Variants in GAREM1 observed in about 807,000 individuals in gnomAD.
GAREM1 encodes GRB2 associated regulator of MAPK1 subtype 1, also known as GRB2-associated and regulator of MAPK protein 1.
A neutral mutation model predicts 71.3 loss-of-function variants in GAREM1; 26 were observed. The ratio of observed to expected loss-of-function variants is 0.36; its 90% CI spans 0.27 to 0.51. The LOEUF (loss-of-function observed/expected upper bound fraction) is 0.51. GAREM1 is among the 20% of genes least tolerant of loss of function. The probability of loss-of-function intolerance (pLI) is 0.95; values close to 1 mark genes in which losing one functional copy is unlikely to be tolerated. For missense variants in GAREM1, 1,026 were observed against 1,103.1 expected (o/e 0.93, Z 0.99); for synonymous variants, 440 against 433.2 (o/e 1.02, Z -0.20).
At chr18:32,364,015 TA>T (rs1567980687) in intron 2 of GAREM1, among the ~76,000 whole-genome samples, 21 of 64,522 alleles carry the variant, frequency 3.3e-4, no homozygotes, top group African/African-American at 1.5e-3. Flanking sequence ...TATATATATA[TA>T]TATATATATA....
chr18:32,338,396 C>T (rs2047617693), intron 2 of GAREM1, among the ~76,000 whole-genome samples: 1 of 152,152 alleles, frequency 6.6e-6, no homozygotes, highest in South Asian at 2.1e-4. Context: ...TTCAAACTAG[C>T]CACTTAATGG....
chr18:32,309,615 C>CAAAAAAAAAAAA lies in GAREM1; in HGVS notation c.393+566_393+577dup, dbSNP rs11370938. Reference sequence around the variant, plus strand: ...TGGGTGACAGAGCAAGACTCAGTCTCAAAAAAAAAAAAAAAAAAAAAAAAA... The same window carrying CAAAAAAAAAAAA: ...TGGGTGACAGAGCAAGACTCAGTCTCAAAAAAAAAAAAAAAAAAAAAAAAAAAAAAAAAAAAA... On this transcript the variant is annotated intron_variant, in intron 3 of 5. Transcript: ENST00000269209. Among the ~76,000 whole-genome samples the CAAAAAAAAAAAA allele has an allele frequency of 3.6e-4, 5 of 13,860 alleles. 1 individual carries two copies. Among genetic ancestry groups the CAAAAAAAAAAAA allele is most frequent in the African/African-American group, 1.5e-3 (5 of 3,322 alleles). The allele number at this position is 13,860 out of a possible 152,430, so 9.1% of individuals were successfully genotyped here. A position where few individuals can be genotyped will look rare whatever the true frequency, so the allele number is the denominator to read the frequency against.
intron 1 of GAREM1, among the ~76,000 whole-genome samples, chr18:32,424,139 C>A (rs555560243): frequency 6.6e-6 from 1 of 151,262 alleles, no homozygotes; most frequent in South Asian, 2.1e-4. Flanking sequence ...CCCATCTCCC[C>A]ACCAGCCAGA....
chr18:32,441,527 T>C (rs894812628), intron 1 of GAREM1, among the ~76,000 whole-genome samples: 3 of 152,186 alleles, frequency 2.0e-5, no homozygotes, highest in Admixed American at 2.0e-4. Context: ...CAACATACTA[T>C]ATTCAAGTGC....
Position 32,377,098 on chromosome 18 carries a change from C to T in GAREM1, c.262+15797G>A, listed in dbSNP as rs543065878. Among the ~76,000 whole-genome samples, 68 of 152,278 alleles carry T rather than the reference C, an allele frequency of 4.5e-4. 1 individual carries two copies. The highest frequency in any genetic ancestry group is 1.4e-3 in the African/African-American group (57 of 41,554). On this transcript the variant is annotated intron_variant, in intron 2 of 5. Transcript: ENST00000269209. ...GTTAGGCAACATATATAAGACCACA[C>T]GGCCACTAAGGAGTTGACCAGGACA...
At position 32,349,820 on chromosome 18, in the gene GAREM1, A is replaced by C. The variant is rs138870717; in HGVS notation, c.263-39497T>G. ...CTGATTCTGAAAAGGTAGCACATGA[A>C]GGGCAAGTACTGAAAACAAGGCATG... is the stretch of plus-strand genomic sequence containing the variant. On this transcript the variant is annotated intron_variant, in intron 2 of 5. Coordinates refer to ENST00000269209, the MANE Select transcript of GAREM1 (RefSeq NM_001242409.2). Among the ~76,000 whole-genome samples the C allele has an allele frequency of 2.6e-5, 4 of 152,346 alleles. No homozygotes were observed. In the East Asian group the frequency reaches 7.7e-4, roughly 29 times the overall value.
At chr18:32,289,373 T>C (rs540163431) in intron 3 of GAREM1, among the ~76,000 whole-genome samples, 9 of 152,366 alleles carry the variant, frequency 5.9e-5, no homozygotes, top group Admixed American at 5.2e-4. Flanking sequence ...TATTTCATGC[T>C]TACCAGCATG....
chr18:32,408,113 T>C (rs1007681647), intron 1 of GAREM1, among the ~76,000 whole-genome samples: 2 of 152,112 alleles, frequency 1.3e-5, no homozygotes, highest in Non-Finnish European at 2.9e-5. Flanking sequence ...AATAATTCCA[T>C]TGGGTTTACA....
rs752262774 is a variant in GAREM1, at chr18:32,267,654, G to A, written c.*217C>T. The A allele has an allele frequency of 1.3e-4, 62 of 478,284 alleles. 1 individual carries two copies. The highest frequency in any genetic ancestry group is 6.4e-4 in the African/African-American group (33 of 51,414). 29.6% of individuals were successfully genotyped at this position (478,284 alleles called of 1,614,324 possible). A position where few individuals can be genotyped will look rare whatever the true frequency, so the allele number is the denominator to read the frequency against. On this transcript the variant is annotated 3_prime_UTR_variant, in exon 6 of 6. Transcript: ENST00000269209. ...AGCTGCTGAGTGTTTGTTGAGTGAC[G>A]TACAAGGCACACCTCCAAGTGTTCT...
chr18:32,386,050 G>A (rs2048144541), intron 2 of GAREM1, among the ~76,000 whole-genome samples: 1 of 152,086 alleles, frequency 6.6e-6, no homozygotes. Flanking sequence ...GCAAAAAATG[G>A]CTGAGATAAA....
chr18:32,454,827 T>C (rs2048872374), intron 1 of GAREM1, among the ~76,000 whole-genome samples: 1 of 152,166 alleles, frequency 6.6e-6, no homozygotes, highest in Non-Finnish European at 1.5e-5. Flanking sequence ...GTAAATACTT[T>C]AGGGATAGGC....
At chr18:32,273,445 T>C (rs866696245) in intron 4 of GAREM1, among the ~76,000 whole-genome samples, 2 of 152,214 alleles carry the variant, frequency 1.3e-5, no homozygotes, top group African/African-American at 2.4e-5. Context: ...CCTGTACTTA[T>C]AATCAACCCC....
At chr18:32,370,497 A>G (rs2047967781) in intron 2 of GAREM1, among the ~76,000 whole-genome samples, 1 of 151,634 alleles carries the variant, frequency 6.6e-6, no homozygotes, top group African/African-American at 2.4e-5. Context: ...ATGTTTTGCT[A>G]AATTATTTAA....
At chr18:32,383,962 A>T (rs2048120705) in intron 2 of GAREM1, among the ~76,000 whole-genome samples, 1 of 152,222 alleles carries the variant, frequency 6.6e-6, no homozygotes, top group African/African-American at 2.4e-5. Context: ...AGAGCAATCT[A>T]GAAAAGCCAC....
rs1237635178 is a variant in GAREM1 at position 32,470,598 on chromosome 18, G to A, written c.-170C>T. On this transcript the variant is annotated 5_prime_UTR_variant, in exon 1 of 6. Transcript: ENST00000269209. This position sits in a 1 kb window ranked among gnomAD's most constrained non-coding sequence, Gnocchi z 4.4. Reference sequence around the variant, plus strand: ...GGCGACTGGGGCGGCCCGGAGGGAGGGGGCCGGCGCCCGGCTCAGCTGCCG... The same window carrying A: ...GGCGACTGGGGCGGCCCGGAGGGAGAGGGCCGGCGCCCGGCTCAGCTGCCG... 1 of 251,664 alleles carries A rather than the reference G, an allele frequency of 4.0e-6. No individual in the cohort carries two copies. The highest frequency in any genetic ancestry group is 6.2e-6 in the Non-Finnish European group (1 of 161,756). The allele number at this position is 251,664 out of a possible 1,614,324, so 15.6% of individuals were successfully genotyped here. A position where few individuals can be genotyped will look rare whatever the true frequency, so the allele number is the denominator to read the frequency against.
chr18:32,410,304 G>A (rs1367003312), intron 1 of GAREM1, among the ~76,000 whole-genome samples: 1 of 151,996 alleles, frequency 6.6e-6, no homozygotes, highest in Non-Finnish European at 1.5e-5. Context: ...AAATAGCCTG[G>A]GATTGGATTT....
chr18:32,268,432 G>A lies in GAREM1; in HGVS notation c.2070C>T (p.Ser690=), dbSNP rs536810323. ...CTGACTTGGGACAACCAGAGACGCT[G>A]CTACTGAATTCTGCAGTGACTGGGC... ...PTSPVTAEFS[S]SVSGCPKSAS... is the part of the protein sequence containing the mutation. Residue 690 remains serine, a synonymous_variant, in exon 6 of 6, where the codon AGC becomes AGT. Coordinates refer to ENST00000269209, the MANE Select transcript of GAREM1 (RefSeq NM_001242409.2). 1 of 1,614,188 alleles carries A rather than the reference G, an allele frequency of 6.2e-7. No individual in the cohort carries two copies. The highest frequency in any genetic ancestry group is 8.5e-7 in the Non-Finnish European group (1 of 1,180,032).
At chr18:32,338,656 C>T (rs1203938068) in intron 2 of GAREM1, among the ~76,000 whole-genome samples, 4 of 152,314 alleles carry the variant, frequency 2.6e-5, no homozygotes, top group South Asian at 2.1e-4. Flanking sequence ...GGACACTTGA[C>T]ATTTAAGCTC....
Position 32,263,821 on chromosome 18 carries a change from A to T in GAREM1, c.*4050T>A, listed in dbSNP as rs2041337507. The stretch of plus-strand genomic sequence containing the variant: ...GCTTAGCTTAAATATTTTAAATGAA[A>T]CAATATGAGAGTGGGAGAAAAGGTT... On this transcript the variant is annotated 3_prime_UTR_variant, in exon 6 of 6. Transcript: ENST00000269209. 1 of 152,216 alleles carries T rather than the reference A, an allele frequency of 6.6e-6. No individual in the cohort carries two copies. The highest frequency in any genetic ancestry group is 1.5e-5 in the Non-Finnish European group (1 of 68,044). 9.4% of individuals were successfully genotyped at this position (152,216 alleles called of 1,614,324 possible). A position where few individuals can be genotyped will look rare whatever the true frequency, so the allele number is the denominator to read the frequency against.
Sources: allele counts gnomAD v4.1 joint callset (sites outside exome capture counted in the v4.1 genomes callset), GRCh38; gene constraint gnomAD v4.1.1; non-coding constraint Gnocchi (gnomAD v3.1); transcripts MANE v1.5; gene names NCBI Gene and HGNC (gene_info 2026-07-23, HGNC 2026-07-21).